GLIS3: variants seen among roughly 807,000 people sequenced by gnomAD.
GLIS3 encodes GLIS family zinc finger 3, also known as zinc finger protein GLIS3.
Under a neutral mutation model 78.6 loss-of-function variants are expected in GLIS3, and 53 were observed. That is an observed-to-expected ratio of 0.67 (90% CI 0.54 to 0.85). The LOEUF (loss-of-function observed/expected upper bound fraction) is 0.85, where lower values mean the gene tolerates loss of function less well. GLIS3 is among the 40% of genes least tolerant of loss of function. The pLI is 0.00. For synonymous variants in GLIS3, 684 were observed against 509.9 expected, an observed-to-expected ratio of 1.34 and a Z score of -4.60; for missense variants, 1,703 against 1,231.1, an observed-to-expected ratio of 1.38 and a Z score of -5.74.
chr9:4,351,682 ATGT>A (rs1166683414), upstream of GLIS3, among the ~76,000 whole-genome samples: 3 of 152,140 alleles, frequency 2.0e-5, no homozygotes, highest in Admixed American at 6.5e-5. Context: ...TTTTAAAAAA[ATGT>A]TGTTTTTCCT....
At chr9:4,393,016 T>A in the GLIS3 span, among the ~76,000 whole-genome samples, 4 of 152,146 alleles carry the variant, frequency 2.6e-5, no homozygotes, top group African/African-American at 4.8e-5. Context: ...CAATCCCACT[T>A]TGGAAGATTT....
Position 3,856,128 on chromosome 9 carries a change from G to A in GLIS3, c.2354C>T (p.Pro785Leu). 6.2e-7 allele frequency: 1 copy of A among 1,614,166 alleles called. No individual in the cohort carries two copies. Among genetic ancestry groups the A allele is most frequent in the Middle Eastern group, 1.7e-4 (1 of 6,060 alleles). ...HHISPRRVPA[P>L]SSILQRTQPP... is the part of the protein sequence containing the mutation. ...CTGTGTTCTTTGCAGTATTGAAGAA[G>A]GAGCTGGAACTCTCCGGGGGCTGAT... is the stretch of plus-strand genomic sequence containing the variant. Residue 785 changes from proline to leucine, a missense_variant, in exon 9 of 11, where the codon CCT becomes CTT. Coordinates refer to ENST00000381971, the MANE Select transcript of GLIS3 (RefSeq NM_001042413.2).
intron 2 of GLIS3, among the ~76,000 whole-genome samples, chr9:4,149,242 C>T (rs1166635672): frequency 6.6e-6 from 1 of 152,104 alleles, no homozygotes; most frequent in Non-Finnish European, 1.5e-5. Context: ...AGCTCTATTC[C>T]CAGATTAACT....
chr9:4,121,656 CA>C lies in GLIS3; in HGVS notation c.597-2776del, dbSNP rs780974267. Among the ~76,000 whole-genome samples the C allele has an allele frequency of 7.2e-3, 1,096 of 151,426 alleles. 8 individuals are homozygous for C. Among genetic ancestry groups the C allele is most frequent in the Middle Eastern group, 0.01 (3 of 294 alleles). On this transcript the variant is annotated intron_variant, in intron 3 of 10. Coordinates refer to ENST00000381971, the MANE Select transcript of GLIS3 (RefSeq NM_001042413.2). The stretch of plus-strand genomic sequence containing the variant: ...ACACACACACACACACACACACACA[CA>C]CACACCCCAAAGTTCTTAGAGAAAT...
At chr9:4,217,246 G>T (rs954150120) in intron 2 of GLIS3, among the ~76,000 whole-genome samples, 1 of 152,074 alleles carries the variant, frequency 6.6e-6, no homozygotes, top group Non-Finnish European at 1.5e-5. Context: ...AAGAACATAG[G>T]GTATGCATGT....
chr9:4,433,822 C>A, the GLIS3 span, among the ~76,000 whole-genome samples: 1 of 152,162 alleles, frequency 6.6e-6, no homozygotes, highest in Non-Finnish European at 1.5e-5. Flanking sequence ...GTTGGCGGGG[C>A]GCCGCTGCTC....
At chr9:3,842,325 A>C (rs144706322) in intron 9 of GLIS3, among the ~76,000 whole-genome samples, 154 of 152,252 alleles carry the variant, frequency 1.0e-3, no homozygotes, top group African/African-American at 3.5e-3. Flanking sequence ...TACAAAAATT[A>C]GTCTGGTATG....
At chr9:4,113,248 T>C (rs1015076629) in intron 4 of GLIS3, among the ~76,000 whole-genome samples, 4 of 152,180 alleles carry the variant, frequency 2.6e-5, no homozygotes, top group Non-Finnish European at 2.9e-5. Context: ...TATTGACTTA[T>C]CTATGGACAG....
chr9:4,433,098 G>A, the GLIS3 span, among the ~76,000 whole-genome samples: 1 of 152,182 alleles, frequency 6.6e-6, no homozygotes, highest in Non-Finnish European at 1.5e-5. Context: ...AAATACTTCA[G>A]TTATCGAGCT....
chr9:4,192,002 A>G (rs901580477), intron 2 of GLIS3, among the ~76,000 whole-genome samples: 4 of 152,176 alleles, frequency 2.6e-5, no homozygotes, highest in Non-Finnish European at 4.4e-5. Context: ...ATGTGTCTAT[A>G]TATCTTTACA....
chr9:4,172,126 G>T (rs1288313269), intron 2 of GLIS3, among the ~76,000 whole-genome samples: 1 of 152,108 alleles, frequency 6.6e-6, no homozygotes, highest in Admixed American at 6.6e-5. Context: ...CAAATGCTAA[G>T]ATCTGAGAAA....
rs1394052828 is a variant in GLIS3 at position 4,321,322 on chromosome 9, T to G, written n.265-10794A>C. Among the ~76,000 whole-genome samples, 4 of 127,476 alleles carry G rather than the reference T, an allele frequency of 3.1e-5. 1 individual carries two copies. Among genetic ancestry groups the G allele is most frequent in the African/African-American group, 1.6e-4 (4 of 25,428 alleles). The allele number at this position is 127,476 out of a possible 152,430, so 83.6% of individuals were successfully genotyped here. A position where few individuals can be genotyped will look rare whatever the true frequency, so the allele number is the denominator to read the frequency against. On this transcript the variant is annotated intron_variant and non_coding_transcript_variant, in intron 2 of 4. Transcript: ENST00000471664. The stretch of plus-strand genomic sequence containing the variant: ...CTGTAGTCCCAGCTACTCGGGAGGC[T>G]GAGGCAGGAGAATGGCGTGAACCCA...
the GLIS3 span, among the ~76,000 whole-genome samples, chr9:4,383,341 G>C: frequency 1.3e-5 from 2 of 152,168 alleles, no homozygotes; most frequent in African/African-American, 4.8e-5. Context: ...TGGAACTGCT[G>C]TTTGAAAGTT....
chr9:4,384,822 G>A, the GLIS3 span, among the ~76,000 whole-genome samples: 7 of 151,956 alleles, frequency 4.6e-5, no homozygotes, highest in Non-Finnish European at 7.4e-5. Flanking sequence ...CTCCAGCCCC[G>A]TGTACACATC....
At chr9:3,860,272 C>CAAAAAAAAAAAAAA (rs59923144) in intron 8 of GLIS3, among the ~76,000 whole-genome samples, 17 of 53,608 alleles carry the variant, frequency 3.2e-4, no homozygotes, top group Non-Finnish European at 3.7e-4. Context: ...AAGACTCTGT[C>CAAAAAAAAAAAAAA]AAAAAAAAAA....
intron 9 of GLIS3, among the ~76,000 whole-genome samples, chr9:3,846,354 G>A (rs1819040178): frequency 6.6e-6 from 1 of 152,156 alleles, no homozygotes; most frequent in Non-Finnish European, 1.5e-5. Flanking sequence ...ATATGAGTTA[G>A]GGCATGGTAC....
At chr9:4,113,783 T>C (rs967946459) in intron 4 of GLIS3, among the ~76,000 whole-genome samples, 3 of 152,190 alleles carry the variant, frequency 2.0e-5, no homozygotes, top group African/African-American at 7.2e-5. Flanking sequence ...CTTGAAATCA[T>C]AATCCAATGT....
chr9:4,380,055 T>C, the GLIS3 span, among the ~76,000 whole-genome samples: 1 of 152,188 alleles, frequency 6.6e-6, no homozygotes, highest in Non-Finnish European at 1.5e-5. Context: ...CTGAGTCTCA[T>C]TTTCACTATC....
intron 2 of GLIS3, among the ~76,000 whole-genome samples, chr9:4,337,163 G>A (rs141050470): frequency 6.6e-6 from 1 of 152,156 alleles, no homozygotes. Flanking sequence ...GCAACACATA[G>A]AATCATTAAA....
Sources: gnomAD v4.1 joint callset for allele counts (sites outside exome capture counted in the v4.1 genomes callset) on GRCh38, gnomAD v4.1.1 for gene constraint, MANE v1.5 for transcripts, NCBI Gene and HGNC (gene_info 2026-07-23, HGNC 2026-07-21) for gene names.